EYS: variants seen among roughly 807,000 people sequenced by gnomAD.
EYS encodes the protein protein eyes shut homolog.
In EYS, 250 loss-of-function variants were observed where a neutral mutation model predicts 282.1. The observed-to-expected ratio is 0.89, with a 90% confidence interval of 0.80 to 0.98. The LOEUF (loss-of-function observed/expected upper bound fraction) is 0.98. EYS is among the 50% of genes least tolerant of loss of function. EYS has a pLI of 0.00. For missense variants in EYS, 4,016 were observed against 3,709.0 expected, an observed-to-expected ratio of 1.08 and a Z score of -2.15; for synonymous variants, 1,355 against 1,282.9, an observed-to-expected ratio of 1.06 and a Z score of -1.20.
At chr6:64,406,693 C>A (rs1483516010) in intron 28 of EYS, among the ~76,000 whole-genome samples, 13 of 152,036 alleles carry the variant, frequency 8.6e-5, no homozygotes, top group Admixed American at 7.9e-4. Flanking sequence ...ATGCAGCCAA[C>A]TAACATGAAA....
At chr6:64,561,279 C>T (rs1275830837) in intron 26 of EYS, among the ~76,000 whole-genome samples, 1 of 152,048 alleles carries the variant, frequency 6.6e-6, no homozygotes, top group Non-Finnish European at 1.5e-5. Context: ...CAAAAATGCC[C>T]TCTCTTACCA....
intron 12 of EYS, among the ~76,000 whole-genome samples, chr6:65,182,517 A>C (rs1237435233): frequency 3.3e-5 from 5 of 151,686 alleles, no homozygotes; most frequent in Non-Finnish European, 7.4e-5. Flanking sequence ...ACGTCACTGC[A>C]TTTAGTGCAT....
At chr6:64,482,139 A>C (rs1389237672) in intron 26 of EYS, among the ~76,000 whole-genome samples, 1 of 151,672 alleles carries the variant, frequency 6.6e-6, no homozygotes, top group Non-Finnish European at 1.5e-5. Flanking sequence ...CTCTTACTCA[A>C]TGAAACAAAA....
At chr6:64,734,159 A>G (rs1772084079) in intron 22 of EYS, among the ~76,000 whole-genome samples, 2 of 151,920 alleles carry the variant, frequency 1.3e-5, no homozygotes, top group South Asian at 4.1e-4. Flanking sequence ...ACAAAAAAAT[A>G]GATTTACTGC....
At chr6:64,640,805 G>C (rs1026901490) in intron 22 of EYS, among the ~76,000 whole-genome samples, 22 of 152,022 alleles carry the variant, frequency 1.4e-4, no homozygotes, top group African/African-American at 5.3e-4. Flanking sequence ...AACAAAAATA[G>C]CTTTGTATTC....
chr6:64,777,928 A>C (rs1483161724), intron 22 of EYS, among the ~76,000 whole-genome samples: 1 of 152,172 alleles, frequency 6.6e-6, no homozygotes, highest in Non-Finnish European at 1.5e-5. Flanking sequence ...AATTAAGAAT[A>C]TGAATGTTTA....
At chr6:64,535,022 T>G (rs1319846951) in intron 26 of EYS, among the ~76,000 whole-genome samples, 1 of 152,174 alleles carries the variant, frequency 6.6e-6, no homozygotes, top group East Asian at 1.9e-4. Context: ...TGGTCTTGCC[T>G]GTCCTTGTTC....
At chr6:64,834,589 T>G (rs1765326847) in intron 19 of EYS, among the ~76,000 whole-genome samples, 1 of 151,770 alleles carries the variant, frequency 6.6e-6, no homozygotes, top group Admixed American at 6.6e-5. Context: ...TTATTGGAGG[T>G]GCTTGCTTTA....
intron 12 of EYS, among the ~76,000 whole-genome samples, chr6:65,239,226 A>T (rs1766998664): frequency 6.6e-6 from 1 of 152,062 alleles, no homozygotes; most frequent in Admixed American, 6.6e-5. Context: ...CATTTATTTG[A>T]AATGAGAGCG....
At chr6:64,495,308 A>G (rs1034828046) in intron 26 of EYS, among the ~76,000 whole-genome samples, 9 of 151,772 alleles carry the variant, frequency 5.9e-5, no homozygotes, top group African/African-American at 2.2e-4. Context: ...GCTTCTTGTT[A>G]TATACGCTTT....
At chr6:64,103,605 TAGG>T (rs1451944888) in intron 31 of EYS, among the ~76,000 whole-genome samples, 1 of 151,568 alleles carries the variant, frequency 6.6e-6, no homozygotes, top group African/African-American at 2.4e-5. Context: ...GAAAGAGAGG[TAGG>T]AGGAGGATCA....
intron 2 of EYS, among the ~76,000 whole-genome samples, chr6:65,602,407 G>C (rs926475715): frequency 4.0e-5 from 6 of 151,860 alleles, no homozygotes; most frequent in African/African-American, 4.8e-5. Context: ...AATTTGATTA[G>C]TTGAGGCTTT....
intron 33 of EYS, among the ~76,000 whole-genome samples, chr6:64,032,737 T>A (rs1160385797): frequency 6.6e-6 from 1 of 152,224 alleles, no homozygotes; most frequent in African/African-American, 2.4e-5. Flanking sequence ...CTTTTCTTAC[T>A]AATACTGGAT....
chr6:63,825,712 A>T (rs1771442372), intron 36 of EYS, among the ~76,000 whole-genome samples: 2 of 152,208 alleles, frequency 1.3e-5, no homozygotes, highest in Non-Finnish European at 2.9e-5. Context: ...TACATCAAGG[A>T]AACACCCCAT....
intron 31 of EYS, among the ~76,000 whole-genome samples, chr6:64,223,958 T>C (rs1766179202): frequency 6.6e-6 from 1 of 152,082 alleles, no homozygotes; most frequent in South Asian, 2.1e-4. Flanking sequence ...TTCTTTATTA[T>C]CCATATCTTT....
intron 22 of EYS, among the ~76,000 whole-genome samples, chr6:64,724,659 G>T (rs1310488824): frequency 6.6e-6 from 1 of 151,964 alleles, no homozygotes; most frequent in Non-Finnish European, 1.5e-5. Flanking sequence ...TCTTTAGAAA[G>T]GTATCAGAAT....
At chr6:64,198,201 G>T (rs966085885) in intron 31 of EYS, among the ~76,000 whole-genome samples, 2 of 150,838 alleles carry the variant, frequency 1.3e-5, no homozygotes, top group African/African-American at 4.9e-5. Context: ...TAGAGACGGG[G>T]TTTCATCGTG....
intron 29 of EYS, among the ~76,000 whole-genome samples, chr6:64,387,289 G>A (rs927463025): frequency 6.6e-6 from 1 of 152,030 alleles, no homozygotes; most frequent in African/African-American, 2.4e-5. Context: ...CTTCAGAGAG[G>A]TCAGAAGACA....
chr6:65,560,731 G>A (rs141273989), intron 2 of EYS, among the ~76,000 whole-genome samples: 1,617 of 151,900 alleles, frequency 0.011, 14 homozygotes, highest in Non-Finnish European at 0.013. Context: ...ATGAATATGC[G>A]TAATATAATG....
Sources: gnomAD v4.1 joint callset for allele counts (sites outside exome capture counted in the v4.1 genomes callset) on GRCh38, gnomAD v4.1.1 for gene constraint, MANE v1.5 for transcripts, NCBI Gene and HGNC (gene_info 2026-07-23, HGNC 2026-07-21) for gene names.